ZNF469: variants seen among roughly 807,000 people sequenced by gnomAD.
The protein encoded by ZNF469 is zinc finger protein 469.
ZNF469 carries 1 observed loss-of-function variant against 1.0 expected under a neutral mutation model. The ratio of observed to expected loss-of-function variants is 1.00; its 90% CI spans 0.35 to 4.73. The LOEUF (loss-of-function observed/expected upper bound fraction) is 4.73. ZNF469 is among the 30% of genes most tolerant of loss of function. ZNF469 has a pLI of 0.16. For missense variants in ZNF469, 6,100 were observed against 5,356.3 expected, an observed-to-expected ratio of 1.14 and a Z score of -4.33; for synonymous variants, 2,703 against 2,363.4, an observed-to-expected ratio of 1.14 and a Z score of -4.17.
the ZNF469 span, among the ~76,000 whole-genome samples, chr16:88,154,563 C>G: frequency 6.6e-6 from 1 of 152,222 alleles, no homozygotes; most frequent in Admixed American, 6.5e-5. Flanking sequence ...CTGATTGAAG[C>G]CTCGCTGGCC....
chr16:88,196,704 T>C, the ZNF469 span, among the ~76,000 whole-genome samples: 1 of 152,196 alleles, frequency 6.6e-6, no homozygotes, highest in Non-Finnish European at 1.5e-5. Context: ...GGTAGCCCTT[T>C]AGTCAGGTGA....
At chr16:88,102,556 C>T in the ZNF469 span, among the ~76,000 whole-genome samples, 1 of 152,236 alleles carries the variant, frequency 6.6e-6, no homozygotes, top group East Asian at 1.9e-4. Context: ...ATGGGCAGGG[C>T]TTCTTGCCCA....
chr16:88,290,203 C>T, the ZNF469 span, among the ~76,000 whole-genome samples: 9 of 152,202 alleles, frequency 5.9e-5, no homozygotes, highest in Non-Finnish European at 8.8e-5. Context: ...GCACCACTGT[C>T]GCGGCATCTG....
chr16:88,144,175 G>A, the ZNF469 span, among the ~76,000 whole-genome samples: 3 of 152,186 alleles, frequency 2.0e-5, no homozygotes, highest in African/African-American at 4.8e-5. Context: ...GTGAGCAGCC[G>A]GTGGGACAGA....
chr16:88,434,392 C>G lies in ZNF469; in HGVS notation c.6922C>G (p.Pro2308Ala). Reference protein sequence around the residue: ...QAGRGLPGPDPQSRGAPPHTN... With the variant: ...QAGRGLPGPDAQSRGAPPHTN... Reference sequence around the variant, plus strand: ...AGGCAGGGGACTCCCAGGGCCAGACCCCCAGAGCAGGGGAGCCCCGCCCCA... The same window carrying G: ...AGGCAGGGGACTCCCAGGGCCAGACGCCCAGAGCAGGGGAGCCCCGCCCCA... The change falls in exon 3 of 3, where the codon CCC becomes GCC. Residue 2308 changes from proline to alanine, a missense_variant. By Grantham distance (27) the Pro-to-Ala change is conservative. Transcript: ENST00000565624. 1 of 1,549,922 alleles carries G rather than the reference C, an allele frequency of 6.5e-7. No homozygotes were observed. The highest frequency in any genetic ancestry group is 8.7e-7 in the Non-Finnish European group (1 of 1,146,936).
chr16:88,146,177 C>T, the ZNF469 span, among the ~76,000 whole-genome samples: 1 of 152,202 alleles, frequency 6.6e-6, no homozygotes, highest in East Asian at 1.9e-4. Flanking sequence ...CATCCATGCA[C>T]CAGCGGCACC....
At chr16:88,286,405 T>G in the ZNF469 span, among the ~76,000 whole-genome samples, 1 of 152,250 alleles carries the variant, frequency 6.6e-6, no homozygotes, top group East Asian at 1.9e-4. Context: ...TGCTCTGAGC[T>G]CGCTGGTGCC....
At chr16:88,259,586 C>A in the ZNF469 span, among the ~76,000 whole-genome samples, 1,854 of 152,268 alleles carry the variant, frequency 0.012, 30 homozygotes, top group African/African-American at 0.042. This position sits in a 1 kb window ranked among gnomAD's most constrained non-coding sequence, Gnocchi z 4.1. Context: ...CTTAGGGGTT[C>A]CCTGGGACCC....
rs781724789 is a variant in ZNF469, at chr16:88,437,469, G to A, written c.9999G>A (p.Lys3333=). ...LQATPVHEAC[K]DPSRDCHHCG... is the part of the protein sequence containing the mutation. ...CCACCCCGGTGCACGAGGCCTGCAAGGACCCCTCCCGCGACTGCCACCACT... is the reference window on the plus strand; with the variant it reads ...CCACCCCGGTGCACGAGGCCTGCAAAGACCCCTCCCGCGACTGCCACCACT... The change falls in exon 3 of 3, where the codon AAG becomes AAA. Residue 3333 remains lysine, a synonymous_variant. Transcript: ENST00000565624. 6.1e-4 allele frequency: 942 copies of A among 1,535,358 alleles called. No individual in the cohort carries two copies. The highest frequency in any genetic ancestry group is 1.1e-3 in the Admixed American group (56 of 50,280).
Position 88,436,893 on chromosome 16 carries a change from GC to G in ZNF469, c.9425del (p.Pro3142ArgfsTer40), listed in dbSNP as rs1567516148. The G allele has an allele frequency of 3.3e-6, 5 of 1,503,146 alleles. No individual in the cohort carries two copies. Among genetic ancestry groups the G allele is most frequent in the Non-Finnish European group, 4.4e-6 (5 of 1,128,754 alleles). The allele number at this position is 1,503,146 out of a possible 1,614,324, so 93.1% of individuals were successfully genotyped here. Reference protein sequence around the residue: ...LHKLAHTPAPPPTCYMCVERR... With the variant: ...LHKLAHTPAPXPTCYMCVERR... ...ACAAGCTGGCCCACACGCCCGCGCC[GC>G]CGCCCACCTGCTACATGTGCGTGGA... On this transcript the variant is annotated frameshift_variant, in exon 3 of 3. Transcript: ENST00000565624. LOFTEE classifies it low-confidence loss of function (END_TRUNC).
the ZNF469 span, among the ~76,000 whole-genome samples, chr16:88,125,570 G>C: frequency 6.6e-6 from 1 of 152,306 alleles, no homozygotes; most frequent in South Asian, 2.1e-4. Flanking sequence ...CATGAACATA[G>C]TTTGCCTCTC....
At chr16:88,240,747 C>T in the ZNF469 span, among the ~76,000 whole-genome samples, 1 of 152,178 alleles carries the variant, frequency 6.6e-6, no homozygotes, top group Admixed American at 6.5e-5. Flanking sequence ...ACCACTGTCA[C>T]CTGCAGCCAC....
chr16:88,163,868 G>T, the ZNF469 span, among the ~76,000 whole-genome samples: 1 of 150,346 alleles, frequency 6.7e-6, no homozygotes, highest in African/African-American at 2.5e-5. Context: ...GGATAGGTAG[G>T]TAAGTGGATG....
At chr16:88,131,973 G>A in the ZNF469 span, among the ~76,000 whole-genome samples, 3 of 152,224 alleles carry the variant, frequency 2.0e-5, no homozygotes, top group Admixed American at 1.3e-4. Flanking sequence ...GCATCTCCGG[G>A]GCTGCTGAAG....
At chr16:88,313,229 A>G in the ZNF469 span, among the ~76,000 whole-genome samples, 37 of 152,126 alleles carry the variant, frequency 2.4e-4, no homozygotes, top group Admixed American at 3.9e-4. Flanking sequence ...TATATTTTCT[A>G]TCTAATTATA....
chr16:88,147,156 G>C, the ZNF469 span, among the ~76,000 whole-genome samples: 12 of 152,208 alleles, frequency 7.9e-5, no homozygotes, highest in Admixed American at 3.3e-4. Flanking sequence ...AGAAGGACGA[G>C]GCCACGGAGA....
chr16:88,226,221 C>A, the ZNF469 span, among the ~76,000 whole-genome samples: 1 of 152,100 alleles, frequency 6.6e-6, no homozygotes, highest in Non-Finnish European at 1.5e-5. Flanking sequence ...TGTGTCCCCC[C>A]AAAAGGCATG....
chr16:88,251,758 C>T, the ZNF469 span, among the ~76,000 whole-genome samples: 2 of 151,736 alleles, frequency 1.3e-5, no homozygotes, highest in Non-Finnish European at 1.5e-5. Flanking sequence ...AGGGTTTCAC[C>T]TTGTTGGCCA....
At chr16:88,372,528 T>C in the ZNF469 span, among the ~76,000 whole-genome samples, 1 of 142,276 alleles carries the variant, frequency 7.0e-6, no homozygotes, top group Non-Finnish European at 1.5e-5. Flanking sequence ...CCATCATCAC[T>C]ATCACCACTA....
Sources: gnomAD v4.1 joint callset for allele counts (sites outside exome capture counted in the v4.1 genomes callset) on GRCh38, gnomAD v4.1.1 for gene constraint, Gnocchi (gnomAD v3.1) non-coding constraint, MANE v1.5 for transcripts, NCBI Gene and HGNC (gene_info 2026-07-23, HGNC 2026-07-21) for gene names.